The following DAPK1 variants were observed in gnomAD, a reference collection of about 807,000 sequenced individuals.
The protein encoded by DAPK1 is death-associated protein kinase 1.
Under a neutral mutation model 144.9 loss-of-function variants are expected in DAPK1, and 56 were observed. The ratio of observed to expected loss-of-function variants is 0.39; its 90% confidence interval spans 0.31 to 0.48. The LOEUF is 0.48. Among genes scored for constraint, DAPK1 ranks in the 20% least tolerant of loss-of-function variants. DAPK1 has a pLI of 0.95. For missense variants in DAPK1, 1,454 were observed against 1,875.4 expected, an observed-to-expected ratio of 0.78 and a Z score of 4.15; for synonymous variants, 690 against 749.0, an observed-to-expected ratio of 0.92 and a Z score of 1.29.
rs547821412 is a variant in DAPK1 at position 87,577,713 on chromosome 9, G to A, written c.63-27241G>A. ...CTCAGGAGGCTGAGGCAGGAGAATT[G>A]CTTGAACCCGGGAGGCGGAGGTTGC... On this transcript the variant is annotated intron_variant, in intron 2 of 25. Transcript: ENST00000408954. Among the ~76,000 whole-genome samples the A allele has an allele frequency of 5.3e-5, 8 of 152,306 alleles. No homozygotes were observed. In the South Asian group the frequency reaches 8.3e-4, roughly 16 times the overall value.
chr9:87,502,452 C>T (rs1048595907), intron 2 of DAPK1, among the ~76,000 whole-genome samples: 1 of 152,036 alleles, frequency 6.6e-6, no homozygotes. Flanking sequence ...GTTTTAATGC[C>T]CCAGGATGCC....
chr9:87,550,150 C>T (rs1311863526), intron 2 of DAPK1, among the ~76,000 whole-genome samples: 3 of 152,184 alleles, frequency 2.0e-5, no homozygotes, highest in Non-Finnish European at 4.4e-5. Flanking sequence ...TAACCGTCAC[C>T]CTAGAGAGTT....
At chr9:87,653,666 TTTTA>T (rs962027267) in intron 17 of DAPK1, among the ~76,000 whole-genome samples, 24 of 150,846 alleles carry the variant, frequency 1.6e-4, no homozygotes, top group Non-Finnish European at 1.3e-4. Flanking sequence ...CTCTTTTTTA[TTTTA>T]TTTATTTATT....
intron 2 of DAPK1, among the ~76,000 whole-genome samples, chr9:87,598,010 C>T (rs1291066825): frequency 1.3e-5 from 2 of 152,186 alleles, no homozygotes; most frequent in East Asian, 1.9e-4. Flanking sequence ...GTATTTCATG[C>T]TTGTCTCTCC....
At chr9:87,520,797 A>G (rs995896836) in intron 2 of DAPK1, among the ~76,000 whole-genome samples, 8 of 152,256 alleles carry the variant, frequency 5.3e-5, no homozygotes, top group Non-Finnish European at 1.0e-4. Context: ...ACATAGGTAT[A>G]TATACATACT....
chr9:87,571,498 A>ACCACACACACACACACACAC (rs1554684284), intron 2 of DAPK1, among the ~76,000 whole-genome samples: 1 of 46,492 alleles, frequency 2.2e-5, no homozygotes, highest in Non-Finnish European at 3.7e-5. Context: ...CACACACCCC[A>ACCACACACACACACACACAC]ACACACACAC....
chr9:87,664,582 C>G (rs1279297287), intron 18 of DAPK1, among the ~76,000 whole-genome samples: 1 of 152,200 alleles, frequency 6.6e-6, no homozygotes, highest in Non-Finnish European at 1.5e-5. Context: ...GGCTGGTAGT[C>G]CCTTCGCCTT....
At chr9:87,567,154 G>A (rs749905071) in intron 2 of DAPK1, among the ~76,000 whole-genome samples, 3 of 152,218 alleles carry the variant, frequency 2.0e-5, no homozygotes, top group African/African-American at 4.8e-5. Flanking sequence ...TGAAGGCAAA[G>A]TCATGGGAAC....
intron 2 of DAPK1, among the ~76,000 whole-genome samples, chr9:87,538,713 T>C (rs987462744): frequency 2.0e-5 from 3 of 152,154 alleles, no homozygotes; most frequent in Non-Finnish European, 1.5e-5. Flanking sequence ...AAAAGAAAAT[T>C]GTAACAGATT....
intron 2 of DAPK1, among the ~76,000 whole-genome samples, chr9:87,584,483 T>C (rs1395171328): frequency 1.3e-5 from 2 of 152,220 alleles, no homozygotes; most frequent in Non-Finnish European, 2.9e-5. Context: ...GTGGGATTGT[T>C]GGACCATATG....
chr9:87,677,236 C>T (rs913649866), intron 19 of DAPK1, among the ~76,000 whole-genome samples: 1 of 152,134 alleles, frequency 6.6e-6, no homozygotes, highest in African/African-American at 2.4e-5. Context: ...CATTGCCCTG[C>T]GTGGAATTTG....
At chr9:87,584,233 C>A (rs1827857043) in intron 2 of DAPK1, among the ~76,000 whole-genome samples, 2 of 152,160 alleles carry the variant, frequency 1.3e-5, no homozygotes, top group South Asian at 4.1e-4. Flanking sequence ...TTCAAGAATA[C>A]ATTACATTAT....
intron 3 of DAPK1, chr9:87,633,070 G>A: frequency 1.0e-6 from 1 of 978,308 alleles, no homozygotes; most frequent in South Asian, 4.7e-5. Flanking sequence ...GATGAAGGAA[G>A]ATGAATATAT....
intron 2 of DAPK1, among the ~76,000 whole-genome samples, chr9:87,558,314 T>A (rs1036843575): frequency 2.0e-5 from 3 of 152,180 alleles, no homozygotes; most frequent in African/African-American, 7.2e-5. Context: ...GATCATGCTC[T>A]TTTGTCAAGA....
chr9:87,511,759 G>T (rs1587672530), intron 2 of DAPK1, among the ~76,000 whole-genome samples: 2 of 150,522 alleles, frequency 1.3e-5, no homozygotes, highest in Non-Finnish European at 2.9e-5. Flanking sequence ...CACCCGGCCT[G>T]GAGTGCAGTG....
chr9:87,611,180 T>C (rs1828911959), intron 3 of DAPK1, among the ~76,000 whole-genome samples: 1 of 152,202 alleles, frequency 6.6e-6, no homozygotes, highest in Admixed American at 6.5e-5. Context: ...TTTTAAAAAA[T>C]ATACAGTTTA....
In DAPK1 at chr9:87,708,156, G is replaced by A. The variant is rs1027666718; in HGVS notation, c.*792G>A. On this transcript the variant is annotated 3_prime_UTR_variant, in exon 26 of 26. Transcript: ENST00000408954. ...TTTTTCCGTTTGCTTTTGTTCCAAT[G>A]TCAATGTGAACGTCCACATGAAACC... is the stretch of plus-strand genomic sequence containing the variant. 4.0e-5 allele frequency: 10 copies of A among 250,942 alleles called. No homozygotes were observed. The highest frequency in any genetic ancestry group is 1.6e-4 in the African/African-American group (7 of 43,982). The allele number at this position is 250,942 out of a possible 1,614,324, so 15.5% of individuals were successfully genotyped here.
At chr9:87,622,804 G>A (rs1197670253) in intron 3 of DAPK1, among the ~76,000 whole-genome samples, 3 of 152,004 alleles carry the variant, frequency 2.0e-5, no homozygotes, top group African/African-American at 4.8e-5. Context: ...CCAGCTACTC[G>A]GGAGGTTGAG....
chr9:87,678,415 T>C (rs922687995), intron 19 of DAPK1, among the ~76,000 whole-genome samples: 3 of 152,178 alleles, frequency 2.0e-5, no homozygotes, highest in Non-Finnish European at 4.4e-5. Flanking sequence ...ACGCACAGGA[T>C]CACTGAGTGC....
Sources: gnomAD v4.1 joint callset for allele counts (sites outside exome capture counted in the v4.1 genomes callset) on GRCh38, gnomAD v4.1.1 for gene constraint, MANE v1.5 for transcripts, NCBI Gene and HGNC (gene_info 2026-07-23, HGNC 2026-07-21) for gene names.